ZMYND19: variants seen among roughly 807,000 people sequenced by gnomAD.
ZMYND19 encodes zinc finger MYND-type containing 19.
Under a neutral mutation model 32.0 loss-of-function variants are expected in ZMYND19, and 17 were observed. The ratio of observed to expected loss-of-function variants is 0.53; its 90% CI spans 0.36 to 0.80. The LOEUF is 0.80. ZMYND19 is among the 30% of genes least tolerant of loss of function. The pLI is 0.00. For missense variants in ZMYND19, 250 were observed against 293.6 expected, an observed-to-expected ratio of 0.85 and a Z score of 1.09; for synonymous variants, 124 against 113.6, an observed-to-expected ratio of 1.09 and a Z score of -0.58.
intron 4 of ZMYND19, 85 bp downstream of exon 4, chr9:137,586,882 A>G (rs1842210712): frequency 6.4e-7 from 1 of 1,563,086 alleles, no homozygotes; most frequent in Non-Finnish European, 8.7e-7. Flanking sequence ...GAGGAACAGG[A>G]GACCCTCTTG....
At chr9:137,589,825 C>G (rs971683251) in intron 1 of ZMYND19, 2 of 985,490 alleles carry the variant, frequency 2.0e-6, no homozygotes, top group Non-Finnish European at 2.4e-6. Context: ...GTGTTTAAAC[C>G]GTGTGGCCGC....
At position 137,588,701 on chromosome 9, in the gene ZMYND19, G is replaced by C. The variant is rs149545270; in HGVS notation, c.69C>G (p.Ile23Met). The C allele has an allele frequency of 1.2e-6, 2 of 1,614,166 alleles. No individual in the cohort carries two copies. The highest frequency in any genetic ancestry group is 1.7e-6 in the Non-Finnish European group (2 of 1,180,010). ...CCACCAGCGGGATGTCCTGCTCATC[G>C]ATCAGCGTGTATTTGGTCTGGAAGT... is the stretch of plus-strand genomic sequence containing the variant. ...RVAGKTKYTL[I>M]DEQDIPLVES... The change falls in exon 2 of 6, where the codon ATC becomes ATG. Residue 23 changes from isoleucine (I) to methionine (M), a missense_variant. By Grantham distance (10) the Ile-to-Met change is conservative. This residue lies in a region of ZMYND19 where 212 missense variants were observed against 218.8 expected (regional missense o/e 0.97). Transcript: ENST00000298585.
In ZMYND19 at chr9:137,586,930, G is replaced by T. The variant is rs372553732; in HGVS notation, c.359+37C>A. ...TTGGCGGTGGCCCTCCTCAAAAGGC[G>T]CCTCTGCTGGCATCGCCAGGCCCTG... is the stretch of plus-strand genomic sequence containing the variant. On this transcript the variant is annotated intron_variant, in intron 4 of 5. Coordinates refer to ENST00000298585, the MANE Select transcript of ZMYND19 (RefSeq NM_138462.3). The T allele has an allele frequency of 1.1e-5, 17 of 1,608,884 alleles. No individual in the cohort carries two copies. The African/African-American group carries it at 2.0e-4, about 19-fold the overall frequency.
At position 137,590,284 on chromosome 9, in the gene ZMYND19, C is replaced by T; in HGVS notation, c.-21G>A. 2 of 1,065,236 alleles carry T rather than the reference C, an allele frequency of 1.9e-6. No individual in the cohort carries two copies. The highest frequency in any genetic ancestry group is 7.2e-5 in the East Asian group (1 of 13,856). The allele number at this position is 1,065,236 out of a possible 1,614,324, so 66.0% of individuals were successfully genotyped here. ...GTCATGGCCGGGCCTGCGCTCTCGGCCGGCAGCGCCGCTCCCTCGGGAGGC... is the reference window on the plus strand; with the variant it reads ...GTCATGGCCGGGCCTGCGCTCTCGGTCGGCAGCGCCGCTCCCTCGGGAGGC... On this transcript the variant is annotated 5_prime_UTR_variant, in exon 1 of 6. Transcript: ENST00000298585. This position sits in a 1 kb window ranked among gnomAD's most constrained non-coding sequence, Gnocchi z 4.2.
intron 2 of ZMYND19, 69 bp downstream of exon 2, chr9:137,588,590 C>T: frequency 1.3e-6 from 2 of 1,562,092 alleles, no homozygotes; most frequent in Non-Finnish European, 8.8e-7. Flanking sequence ...GGGGAGAGAG[C>T]TCGTTCCTCG....
intron 3 of ZMYND19, chr9:137,587,420 T>TC (rs1291273569): frequency 1.7e-6 from 1 of 587,328 alleles, no homozygotes; most frequent in Non-Finnish European, 3.0e-6. Flanking sequence ...ATCTGAGTGG[T>TC]CCCTACCATG....
rs1269312986 is a variant in ZMYND19, at chr9:137,590,098, G to A, written c.51+115C>T. ...GCGCAGCGTCCCCCGCCCCGCTGGG[G>A]CCCATCCCGGGCTCCGCGCCCCCGC... On this transcript the variant is annotated intron_variant, in intron 1 of 5. Transcript: ENST00000298585. The surrounding 1 kb of genome is among the most constrained non-coding windows in gnomAD (Gnocchi z 4.2). 1.0e-6 allele frequency: 1 copy of A among 982,426 alleles called. No homozygotes were observed. Among genetic ancestry groups the A allele is most frequent in the Non-Finnish European group, 1.2e-6 (1 of 828,640 alleles). The allele number at this position is 982,426 out of a possible 1,614,324, so 60.9% of individuals were successfully genotyped here.
intron 3 of ZMYND19, 118 bp from the exon 4 acceptor site, chr9:137,587,225 T>TCGGG: frequency 6.7e-7 from 1 of 1,491,784 alleles, no homozygotes; most frequent in South Asian, 1.3e-5. Flanking sequence ...TGTGATCTGA[T>TCGGG]CGGGCCCCTG....
rs558519992 is a variant in ZMYND19, at chr9:137,582,273, C to A, written c.*270G>T. 9.4e-5 allele frequency: 33 copies of A among 349,874 alleles called. No individual in the cohort carries two copies. Among genetic ancestry groups the A allele is most frequent in the Non-Finnish European group, 1.3e-4 (26 of 194,036 alleles). The allele number at this position is 349,874 out of a possible 1,614,324, so 21.7% of individuals were successfully genotyped here. A position where few individuals can be genotyped will look rare whatever the true frequency, so the allele number is the denominator to read the frequency against. On this transcript the variant is annotated 3_prime_UTR_variant, in exon 6 of 6. Coordinates refer to ENST00000298585, the MANE Select transcript of ZMYND19 (RefSeq NM_138462.3). ...TTCTACCCTTCCCATTGCCTCCCCC[C>A]CAAAAAAAACTGTACATGAGTTTAC...
chr9:137,587,226 C>A, intron 3 of ZMYND19, 119 bp from the exon 4 acceptor site: 2 of 1,488,074 alleles, frequency 1.3e-6, no homozygotes, highest in Non-Finnish European at 1.8e-6. Flanking sequence ...GTGATCTGAT[C>A]GGGCCCCTGG....
At chr9:137,585,466 G>C (rs1022983788) in intron 4 of ZMYND19, among the ~76,000 whole-genome samples, 7 of 151,358 alleles carry the variant, frequency 4.6e-5, no homozygotes, top group Non-Finnish European at 1.5e-5. Context: ...CTGAAGCCAG[G>C]AGTTCAAGAA....
chr9:137,582,639 G>T lies in ZMYND19; in HGVS notation c.588C>A (p.Cys196Ter). The T allele has an allele frequency of 6.2e-7, 1 of 1,613,390 alleles. No individual in the cohort carries two copies. ...AGTCCTTCTGCTGGCACTGGGAGCC[G>T]CAGTACCGGGCCACCTGGCAGCGCC... ...ICGRCQVARY[C>*]GSQCQQKDWP... Residue 196 changes from cysteine (C) to a stop codon, truncating the protein, a stop_gained, in exon 6 of 6, where the codon TGC (cysteine) becomes TGA (stop). Coordinates refer to ENST00000298585, the MANE Select transcript of ZMYND19 (RefSeq NM_138462.3). LOFTEE classifies it high-confidence loss of function.
chr9:137,587,172 T>C, intron 3 of ZMYND19, 65 bp from the exon 4 acceptor site: 1 of 1,572,018 alleles, frequency 6.4e-7, no homozygotes, highest in Non-Finnish European at 8.6e-7. Flanking sequence ...CACAGACATT[T>C]CTGGTCAGGT....
At chr9:137,585,281 G>A (rs1192812942) in intron 4 of ZMYND19, among the ~76,000 whole-genome samples, 1 of 152,076 alleles carries the variant, frequency 6.6e-6, no homozygotes, top group African/African-American at 2.4e-5. Context: ...AAATTAGCCA[G>A]GCGTGGTGGT....
chr9:137,585,949 G>GGAACA (rs1396494015), intron 4 of ZMYND19, among the ~76,000 whole-genome samples: 1 of 152,232 alleles, frequency 6.6e-6, no homozygotes, highest in Non-Finnish European at 1.5e-5. Context: ...GGGCGCCAGG[G>GGAACA]GAACATGTCA....
At chr9:137,582,874 T>C in intron 5 of ZMYND19, 109 bp downstream of exon 5, 1 of 1,532,274 alleles carries the variant, frequency 6.5e-7, no homozygotes, top group Non-Finnish European at 8.8e-7. Flanking sequence ...CAAGAGGTGC[T>C]AAGCGGTCTC....
chr9:137,582,822 G>A (rs1703777689), intron 5 of ZMYND19, 136 bp from the exon 6 acceptor site: 4 of 1,510,270 alleles, frequency 2.6e-6, no homozygotes, highest in Non-Finnish European at 3.6e-6. Context: ...CCCTGGTCAG[G>A]CCAGCACAAG....
At chr9:137,587,544 C>T in intron 3 of ZMYND19, 173 bp downstream of exon 3, 2 of 652,936 alleles carry the variant, frequency 3.1e-6, no homozygotes, top group Non-Finnish European at 5.4e-6. Flanking sequence ...TGAAGTGCAA[C>T]ATACAAATCA....
rs1187047522 is a variant in ZMYND19 at position 137,590,320 on chromosome 9, GGCCGGGGCGAGGCCGCGGCGC to G, written c.-78_-58del. 3 of 1,011,002 alleles carry G rather than the reference GGCCGGGGCGAGGCCGCGGCGC, an allele frequency of 3.0e-6. No homozygotes were observed. Among genetic ancestry groups the G allele is most frequent in the Non-Finnish European group, 3.5e-6 (3 of 846,118 alleles). The allele number at this position is 1,011,002 out of a possible 1,614,324, so 62.6% of individuals were successfully genotyped here. On this transcript the variant is annotated 5_prime_UTR_variant, in exon 1 of 6. Transcript: ENST00000298585. This position sits in a 1 kb window ranked among gnomAD's most constrained non-coding sequence, Gnocchi z 4.2. ...GCTCCCTCGGGAGGCGCCGAGCGGG[GGCCGGGGCGAGGCCGCGGCGC>G]GCCGGGACAGGACGGGACCGGAGCC...
Sources: gnomAD v4.1 joint callset for allele counts (sites outside exome capture counted in the v4.1 genomes callset) on GRCh38, gnomAD v4.1.1 for gene constraint, gnomAD v4.1.1 regional missense constraint, Gnocchi (gnomAD v3.1) non-coding constraint, MANE v1.5 for transcripts, NCBI Gene and HGNC (gene_info 2026-07-23, HGNC 2026-07-21) for gene names.